L3MBTL1: variants seen among roughly 807,000 people sequenced by gnomAD.
The protein encoded by L3MBTL1 is lethal(3)malignant brain tumor-like protein 1.
A neutral mutation model predicts 105.3 loss-of-function variants in L3MBTL1; 75 were observed. The ratio of observed to expected loss-of-function variants is 0.71; its 90% confidence interval spans 0.59 to 0.86. The LOEUF is 0.86. Ranked by LOEUF, L3MBTL1 falls within the 40% of genes least tolerant of loss-of-function variation. The pLI is 0.00. For synonymous variants in L3MBTL1, 452 were observed against 436.2 expected (o/e 1.04, Z -0.45); for missense variants, 1,069 against 1,126.4 (o/e 0.95, Z 0.73).
chr20:43,540,832 G>A lies in L3MBTL1; in HGVS notation c.2394+17G>A, dbSNP rs756097343. The stretch of plus-strand genomic sequence containing the variant: ...AAAGACGAGGTAAGGTGCAAGTGCA[G>A]AGTGGGAGACAGAGCCGGGGTCACT... On this transcript the variant is annotated intron_variant, in intron 21 of 21. Transcript: ENST00000418998. The A allele has an allele frequency of 3.1e-6, 5 of 1,613,998 alleles. No individual in the cohort carries two copies. In the South Asian group the frequency reaches 5.5e-5, roughly 18 times the overall value.
chr20:43,508,136 T>C (rs1251889240), intron 1 of L3MBTL1, among the ~76,000 whole-genome samples: 1 of 152,054 alleles, frequency 6.6e-6, no homozygotes, highest in African/African-American at 2.4e-5. Flanking sequence ...TGGCAAACTT[T>C]CCTACCATTA....
chr20:43,541,219 AAC>A lies in L3MBTL1; in HGVS notation c.*98_*99del. The A allele has an allele frequency of 1.3e-6, 2 of 1,529,624 alleles. No individual in the cohort carries two copies. The highest frequency in any genetic ancestry group is 1.8e-6 in the Non-Finnish European group (2 of 1,140,494). The allele number at this position is 1,529,624 out of a possible 1,614,324, so 94.8% of individuals were successfully genotyped here. A position where few individuals can be genotyped will look rare whatever the true frequency, so the allele number is the denominator to read the frequency against. ...TATTGTGATTTACTGCAAGGATCCTAACACACACTTAAAATCAAGAGCCAAGG... is the reference window on the plus strand; with the variant it reads ...TATTGTGATTTACTGCAAGGATCCTAACACACTTAAAATCAAGAGCCAAGG... On this transcript the variant is annotated 3_prime_UTR_variant, in exon 22 of 22. Transcript: ENST00000418998.
At chr20:43,510,763 A>G (rs543225706) in intron 1 of L3MBTL1, among the ~76,000 whole-genome samples, 1 of 147,830 alleles carries the variant, frequency 6.8e-6, no homozygotes, top group Non-Finnish European at 1.5e-5. Flanking sequence ...TGTCACCTAG[A>G]CCGGAGTACA....
At chr20:43,518,605 A>G (rs773129741) in intron 7 of L3MBTL1, among the ~76,000 whole-genome samples, 2 of 152,128 alleles carry the variant, frequency 1.3e-5, no homozygotes, top group Non-Finnish European at 2.9e-5. Flanking sequence ...TTTTATCTGC[A>G]GGGAATACAT....
At position 43,540,167 on chromosome 20, in the gene L3MBTL1, C is replaced by G; in HGVS notation, c.2190C>G (p.Val730=). ...GCTTTCCAGCCCTCACGCCCGATGT[C>G]GTGCACCAGTCCCTCTTCATGTCAG... is the stretch of plus-strand genomic sequence containing the variant. The part of the protein sequence containing the change: ...QEDFQTLTPD[V]VHQSLFMSAL... The change falls in exon 20 of 22, where the codon GTC becomes GTG. Residue 730 remains valine (V), a synonymous_variant. Transcript: ENST00000418998. 6.2e-7 allele frequency: 1 copy of G among 1,612,744 alleles called. No homozygotes were observed. The highest frequency in any genetic ancestry group is 8.5e-7 in the Non-Finnish European group (1 of 1,180,022).
At chr20:43,530,962 G>A (rs1405509481) in intron 11 of L3MBTL1, 73 bp downstream of exon 11, 1 of 1,247,516 alleles carries the variant, frequency 8.0e-7, no homozygotes, top group Admixed American at 2.1e-5. Flanking sequence ...CAGGGTATCT[G>A]ACTCATCAGA....
downstream of L3MBTL1, among the ~76,000 whole-genome samples, chr20:43,543,302 G>A (rs537580368): frequency 1.3e-4 from 20 of 152,282 alleles, no homozygotes; most frequent in African/African-American, 4.8e-4. Context: ...TGTTTTATGA[G>A]AAGGCAGAAC....
At chr20:43,544,687 C>T (rs547399995), downstream of L3MBTL1, among the ~76,000 whole-genome samples, 8 of 152,222 alleles carry the variant, frequency 5.3e-5, no homozygotes, top group Admixed American at 1.3e-4. Flanking sequence ...AAATCCTGAC[C>T]GGGGCGGTGG....
chr20:43,515,873 G>C, intron 6 of L3MBTL1: 1 of 547,634 alleles, frequency 1.8e-6, no homozygotes, highest in South Asian at 2.1e-5. Context: ...GTTGTAGTCA[G>C]GCTGTTTAAT....
intron 17 of L3MBTL1, 53 bp from the exon 18 acceptor site, chr20:43,536,044 G>A (rs1372077449): frequency 7.5e-6 from 12 of 1,597,110 alleles, no homozygotes; most frequent in Non-Finnish European, 9.4e-6. Flanking sequence ...GGGCTGAGGA[G>A]GGCTCAGCGG....
chr20:43,542,977 C>A (rs1023335275), downstream of L3MBTL1, among the ~76,000 whole-genome samples: 2 of 152,072 alleles, frequency 1.3e-5, no homozygotes, highest in Non-Finnish European at 2.9e-5. Flanking sequence ...TTTTTGTTAG[C>A]AAAACTTAAG....
chr20:43,508,317 C>T (rs1014854773), intron 1 of L3MBTL1, among the ~76,000 whole-genome samples: 1 of 152,114 alleles, frequency 6.6e-6, no homozygotes, highest in Admixed American at 6.5e-5. Flanking sequence ...TTGCCTATAC[C>T]AGTCCCGGGA....
intron 7 of L3MBTL1, among the ~76,000 whole-genome samples, chr20:43,524,991 A>G (rs963553115): frequency 2.6e-5 from 4 of 152,178 alleles, no homozygotes; most frequent in African/African-American, 7.2e-5. Flanking sequence ...AGTGTGAGGC[A>G]GAGACCAGTT....
intron 3 of L3MBTL1, 197 bp from the exon 4 acceptor site, chr20:43,514,438 C>T (rs1455427429): frequency 1.4e-6 from 2 of 1,479,470 alleles, no homozygotes; most frequent in Non-Finnish European, 1.8e-6. Flanking sequence ...GGGACTGGAC[C>T]CCGCAGGTGC....
intron 11 of L3MBTL1, chr20:43,531,143 G>C (rs1271742415): frequency 5.9e-6 from 3 of 506,030 alleles, no homozygotes; most frequent in Non-Finnish European, 1.0e-5. Flanking sequence ...TCCCCTTGGA[G>C]CCCCTGGCCC....
intron 12 of L3MBTL1, 124 bp downstream of exon 12, chr20:43,533,048 T>A: frequency 4.3e-6 from 4 of 926,192 alleles, no homozygotes; most frequent in Non-Finnish European, 6.6e-6. Flanking sequence ...TTCCTCCGGT[T>A]GGAAGATAAT....
rs541597432 is a variant in L3MBTL1 at position 43,508,996 on chromosome 20, C to G, written c.-29+1252C>G. On this transcript the variant is annotated intron_variant, in intron 1 of 21. Transcript: ENST00000418998. Reference sequence around the variant, plus strand: ...TCAGAGCAGTTCCAAGAGAGGCTGACGGCAGAAGGCTGAAAACTTTCTTCA... The same window carrying G: ...TCAGAGCAGTTCCAAGAGAGGCTGAGGGCAGAAGGCTGAAAACTTTCTTCA... Among the ~76,000 whole-genome samples, 114 of 152,144 alleles carry G rather than the reference C, an allele frequency of 7.5e-4. 1 individual carries two copies. Among genetic ancestry groups the G allele is most frequent in the Non-Finnish European group, 1.2e-3 (79 of 68,038 alleles).
intron 1 of L3MBTL1, among the ~76,000 whole-genome samples, chr20:43,508,454 G>A (rs2018045240): frequency 6.6e-6 from 1 of 152,220 alleles, no homozygotes; most frequent in Non-Finnish European, 1.5e-5. Flanking sequence ...CAGCCTTGCT[G>A]TGTGTTGTTT....
At chr20:43,523,864 G>A (rs1055487230) in intron 7 of L3MBTL1, among the ~76,000 whole-genome samples, 20 of 151,954 alleles carry the variant, frequency 1.3e-4, no homozygotes, top group South Asian at 1.0e-3. Context: ...GTGTGGTGGC[G>A]CATACCTGTA....
Sources: gnomAD v4.1 joint callset for allele counts (sites outside exome capture counted in the v4.1 genomes callset) on GRCh38, gnomAD v4.1.1 for gene constraint, MANE v1.5 for transcripts, NCBI Gene and HGNC (gene_info 2026-07-23, HGNC 2026-07-21) for gene names.